RYR1: variants seen among roughly 807,000 people sequenced by gnomAD.
RYR1 encodes the protein central core disease of muscle.
In RYR1, 342 loss-of-function variants were observed where a neutral mutation model predicts 583.5. That is an observed-to-expected ratio of 0.59 (90% CI 0.54 to 0.64). The LOEUF is 0.64. Ranked by LOEUF, RYR1 falls within the 30% of genes least tolerant of loss-of-function variation. The pLI, the probability that RYR1 is intolerant of heterozygous loss-of-function variation, is 0.00. For synonymous variants in RYR1, 2,791 were observed against 2,822.5 expected (o/e 0.99, Z 0.35); for missense variants, 6,032 against 6,917.2 (o/e 0.87, Z 4.54).
At chr19:38,519,663 T>C (rs936102672) in intron 67 of RYR1, among the ~76,000 whole-genome samples, 1 of 151,924 alleles carries the variant, frequency 6.6e-6, no homozygotes, top group African/African-American at 2.4e-5. Flanking sequence ...TTGTTTTTGG[T>C]TTTTGGGTTT....
intron 58 of RYR1, 102 bp downstream of exon 58, chr19:38,507,929 C>G: frequency 1.9e-6 from 1 of 517,682 alleles, no homozygotes; most frequent in Admixed American, 3.5e-5. Flanking sequence ...AATCCGTCCT[C>G]CCCTTATCTG....
At chr19:38,509,761 AT>A in intron 58 of RYR1, among the ~76,000 whole-genome samples, 1 of 151,094 alleles carries the variant, frequency 6.6e-6, no homozygotes, top group East Asian at 1.9e-4. Flanking sequence ...CCGGCCCAGT[AT>A]TATTATTTTA....
Position 38,455,693 on chromosome 19 carries a change from A to T in RYR1, c.1733A>T (p.Gln578Leu). Residue 578 changes from glutamine to leucine, a missense_variant, in exon 16 of 106, where the codon CAG (glutamine) becomes CTG (leucine). Around this residue, in one of 11 missense-constraint regions of RYR1, gnomAD observed 2,627 missense variants for 2,961.3 expected, o/e 0.89. Transcript: ENST00000359596. ...AGTCCAGAGGTTCTGAACATCATCC[A>T]GGAGAATCACATCAAGTCCATCATC... ...IESPEVLNII[Q>L]ENHIKSIISL... is the part of the protein sequence containing the mutation. 1.9e-6 allele frequency: 3 copies of T among 1,614,066 alleles called. No individual in the cohort carries two copies. The highest frequency in any genetic ancestry group is 2.5e-6 in the Non-Finnish European group (3 of 1,179,972).
chr19:38,552,610 G>A (rs571400675), intron 89 of RYR1, among the ~76,000 whole-genome samples: 2 of 152,266 alleles, frequency 1.3e-5, no homozygotes, highest in African/African-American at 4.8e-5. Flanking sequence ...GAGATTAAAC[G>A]GACATGCTTA....
Position 38,502,509 on chromosome 19 carries a change from C to T in RYR1, c.7617C>T (p.Ala2539=), listed in dbSNP as rs766619942. The change falls in exon 48 of 106, where the codon GCC becomes GCT. Residue 2539 remains alanine (A), a splice_region_variant and synonymous_variant. Transcript: ENST00000359596. ...DMRAAASLDT[A]TFSTTEMALA... is the part of the protein sequence containing the mutation. The stretch of plus-strand genomic sequence containing the variant: ...GATGTCCTCACCCTGCGCCCTAGGC[C>T]ACTTTCAGCACCACCGAGATGGCGC... 1.4e-5 allele frequency: 22 copies of T among 1,580,786 alleles called. No individual in the cohort carries two copies. Among genetic ancestry groups the T allele is most frequent in the Non-Finnish European group, 1.9e-5 (22 of 1,168,288 alleles).
intron 54 of RYR1, 138 bp from the exon 55 acceptor site, chr19:38,506,165 C>T: frequency 9.5e-7 from 1 of 1,052,792 alleles, no homozygotes; most frequent in South Asian, 1.4e-5. Flanking sequence ...AGAGACAGGG[C>T]CTTAAGGAAA....
At chr19:38,546,839 C>T (rs1251296981) in intron 88 of RYR1, among the ~76,000 whole-genome samples, 3 of 146,158 alleles carry the variant, frequency 2.1e-5, no homozygotes, top group Non-Finnish European at 4.5e-5. Context: ...GTAGACCCAG[C>T]TACTCGGGAG....
Position 38,483,599 on chromosome 19 carries a change from A to C in RYR1, c.4934+83A>C. The C allele has an allele frequency of 1.6e-6, 2 of 1,238,318 alleles. No individual in the cohort carries two copies. Among genetic ancestry groups the C allele is most frequent in the Non-Finnish European group, 2.3e-6 (2 of 880,098 alleles). 76.7% of individuals were successfully genotyped at this position (1,238,318 alleles called of 1,614,324 possible). A position where few individuals can be genotyped will look rare whatever the true frequency, so the allele number is the denominator to read the frequency against. On this transcript the variant is annotated intron_variant, in intron 33 of 105. Transcript: ENST00000359596. The surrounding 1 kb of genome is among the most constrained non-coding windows in gnomAD (Gnocchi z 6.3). ...GGGTCCCACTCAGTGCCCCTCCTCA[A>C]CACAACCCCGGGATTCCAGACTACA...
Position 38,502,886 on chromosome 19 carries a change from C to T in RYR1, c.7842C>T (p.Ile2614=), listed in dbSNP as rs777420696. Residue 2614 remains isoleucine, a synonymous_variant, in exon 49 of 106, where the codon ATC becomes ATT. Transcript: ENST00000359596. ...EDCLMSLCRY[I]RPSMLQHLLR... ...CTTGTGCATTGTCCCGCAGGTACAT[C>T]CGCCCGTCGATGCTGCAGCACCTGT... 2.2e-5 allele frequency: 36 copies of T among 1,610,904 alleles called. No homozygotes were observed. Among genetic ancestry groups the T allele is most frequent in the Non-Finnish European group, 3.1e-5 (36 of 1,179,964 alleles).
intron 34 of RYR1, among the ~76,000 whole-genome samples, chr19:38,486,621 G>A (rs1366544817): frequency 2.0e-5 from 3 of 152,082 alleles, no homozygotes; most frequent in Non-Finnish European, 2.9e-5. Flanking sequence ...GATTACAGGC[G>A]TGAGCCACCG....
Position 38,496,616 on chromosome 19 carries a change from C to T in RYR1, c.6796+75C>T, listed in dbSNP as rs1600809665. ...CCCCGTCCAGGCCTGCCCCACTTTC[C>T]ACCAGCTCACTCATTCAACAAACAC... On this transcript the variant is annotated intron_variant, in intron 41 of 105. Coordinates refer to ENST00000359596, the MANE Select transcript of RYR1 (RefSeq NM_000540.3). The surrounding 1 kb of genome is among the most constrained non-coding windows in gnomAD (Gnocchi z 4.8). 3 of 1,560,860 alleles carry T rather than the reference C, an allele frequency of 1.9e-6. No homozygotes were observed. The highest frequency in any genetic ancestry group is 2.2e-5 in the East Asian group (1 of 44,614).
In RYR1 at chr19:38,483,440, G is replaced by A. The variant is rs190382569; in HGVS notation, c.4858G>A (p.Gly1620Ser). 41 of 1,575,290 alleles carry A rather than the reference G, an allele frequency of 2.6e-5. No individual in the cohort carries two copies. Among genetic ancestry groups the A allele is most frequent in the Middle Eastern group, 2.3e-4 (1 of 4,438 alleles). Residue 1620 changes from glycine (G) to serine (S), a missense_variant, in exon 33 of 106, where the codon GGC becomes AGC. Coordinates refer to ENST00000359596, the MANE Select transcript of RYR1 (RefSeq NM_000540.3). This position sits in a 1 kb window ranked among gnomAD's most constrained non-coding sequence, Gnocchi z 6.3. ...HFLQVETRRAGERLGWAVQCQ... is the reference protein window; with the variant it reads ...HFLQVETRRASERLGWAVQCQ... ...CCTGCAGGTGGAGACGAGGCGTGCC[G>A]GCGAGCGGCTGGGCTGGGCCGTGCA...
At chr19:38,477,433 A>G (rs1205485698) in intron 29 of RYR1, among the ~76,000 whole-genome samples, 2 of 152,182 alleles carry the variant, frequency 1.3e-5, no homozygotes, top group Non-Finnish European at 1.5e-5. Context: ...GTGAGCCACC[A>G]TGCCTGGCCT....
intron 19 of RYR1, among the ~76,000 whole-genome samples, 190 bp downstream of exon 19, chr19:38,459,528 C>G (rs1447692486): frequency 2.0e-5 from 3 of 152,132 alleles, no homozygotes; most frequent in African/African-American, 7.2e-5. Flanking sequence ...TTCCAATGAC[C>G]TCAGATTCTC....
At chr19:38,493,059 ACT>A (rs1185436692) in intron 38 of RYR1, among the ~76,000 whole-genome samples, 2 of 150,774 alleles carry the variant, frequency 1.3e-5, no homozygotes, top group South Asian at 2.1e-4. Flanking sequence ...ACAGAGCGAG[ACT>A]CTGTCTCAAA....
Position 38,578,058 on chromosome 19 carries a change from G to C in RYR1, c.14303+10G>C. 6.2e-7 allele frequency: 1 copy of C among 1,613,978 alleles called. No individual in the cohort carries two copies. The highest frequency in any genetic ancestry group is 1.1e-5 in the South Asian group (1 of 91,068). On this transcript the variant is annotated intron_variant, in intron 98 of 105. Coordinates refer to ENST00000359596, the MANE Select transcript of RYR1 (RefSeq NM_000540.3). ...CAGGGCTGCTGACCTGGTGAGCCCAGGACACCCCTGCACAGGCCTGGGGCA... is the reference window on the plus strand; with the variant it reads ...CAGGGCTGCTGACCTGGTGAGCCCACGACACCCCTGCACAGGCCTGGGGCA...
chr19:38,507,465 C>G (rs1970522448), intron 57 of RYR1, among the ~76,000 whole-genome samples: 1 of 126,876 alleles, frequency 7.9e-6, no homozygotes, highest in Non-Finnish European at 1.6e-5. Context: ...GGGCAGGGCC[C>G]GGGGAACAGA....
intron 88 of RYR1, 130 bp downstream of exon 88, chr19:38,546,656 G>A (rs905004634): frequency 1.3e-6 from 1 of 756,286 alleles, no homozygotes; most frequent in Non-Finnish European, 2.3e-6. Flanking sequence ...ATGGGTTGAT[G>A]AAGAAGCCAT....
At chr19:38,503,861 C>T (rs576718225) in intron 49 of RYR1, among the ~76,000 whole-genome samples, 2 of 152,236 alleles carry the variant, frequency 1.3e-5, no homozygotes, top group East Asian at 3.9e-4. Flanking sequence ...TTTGTTTCTA[C>T]TTGGTATGTT....
Sources: gnomAD v4.1 joint callset for allele counts (sites outside exome capture counted in the v4.1 genomes callset) on GRCh38, gnomAD v4.1.1 for gene constraint, gnomAD v4.1.1 regional missense constraint, Gnocchi (gnomAD v3.1) non-coding constraint, MANE v1.5 for transcripts, NCBI Gene and HGNC (gene_info 2026-07-23, HGNC 2026-07-21) for gene names.